TNRC18: variants seen among roughly 807,000 people sequenced by gnomAD.
TNRC18 encodes trinucleotide repeat containing 18.
In TNRC18, 69 loss-of-function variants were observed where a neutral mutation model predicts 226.7. The observed-to-expected ratio is 0.30, with a 90% CI of 0.25 to 0.37. The LOEUF (loss-of-function observed/expected upper bound fraction) is 0.37. TNRC18 is among the 10% of genes least tolerant of loss of function. The pLI, the probability that TNRC18 is intolerant of heterozygous loss-of-function variation, is 1.00. For synonymous variants in TNRC18, 2,449 were observed against 1,927.6 expected, an observed-to-expected ratio of 1.27 and a Z score of -7.09; for missense variants, 4,754 against 4,256.6, an observed-to-expected ratio of 1.12 and a Z score of -3.25.
chr7:5,314,838 G>A (rs573878775), intron 26 of TNRC18, 146 bp downstream of exon 26: 14 of 877,610 alleles, frequency 1.6e-5, no homozygotes, highest in East Asian at 2.8e-5. Flanking sequence ...CTCCCAAAGC[G>A]CTGGGATTAC....
At chr7:5,373,629 G>A (rs937237631) in intron 10 of TNRC18, among the ~76,000 whole-genome samples, 3 of 152,184 alleles carry the variant, frequency 2.0e-5, no homozygotes, top group African/African-American at 7.2e-5. Flanking sequence ...GCCACCTGCT[G>A]CAGGTCCCCT....
At chr7:5,422,590 G>A (rs1008419170) in intron 1 of TNRC18, among the ~76,000 whole-genome samples, 4 of 152,138 alleles carry the variant, frequency 2.6e-5, no homozygotes, top group African/African-American at 9.7e-5. Flanking sequence ...AGCCGATCAC[G>A]CCAAAGCCAC....
At chr7:5,333,284 G>C (rs941671019) in intron 18 of TNRC18, among the ~76,000 whole-genome samples, 1 of 152,234 alleles carries the variant, frequency 6.6e-6, no homozygotes, top group Non-Finnish European at 1.5e-5. Flanking sequence ...CCAGCCCCTT[G>C]CCCCATGGGA....
chr7:5,308,914 C>T lies in TNRC18; in HGVS notation c.8661G>A (p.Ala2887=), dbSNP rs753794320. The part of the protein sequence containing the change: ...WDQKSSRSLP[A]ALRVSSQRKD... Reference sequence around the variant, plus strand: ...TCCTCTGGCTGGAGACCCGCAGGGCCGCCGGGAGGCTGCGGCTGGACTTCT... The same window carrying T: ...TCCTCTGGCTGGAGACCCGCAGGGCTGCCGGGAGGCTGCGGCTGGACTTCT... Residue 2887 remains alanine, a synonymous_variant, in exon 29 of 30, where the codon GCG becomes GCA. Transcript: ENST00000430969. The T allele has an allele frequency of 1.6e-5, 25 of 1,606,474 alleles. No individual in the cohort carries two copies. The highest frequency in any genetic ancestry group is 6.7e-5 in the South Asian group (6 of 89,800).
rs566064655 is a variant in TNRC18, at chr7:5,356,811, C to T, written c.5194+105G>A. On this transcript the variant is annotated intron_variant, in intron 16 of 29. Transcript: ENST00000430969. ...GTGCGCCCCAGAGAGAGAGCGAGAGCGAGAGAGAGAGTGAGGGGCGGGGGG... is the reference window on the plus strand; with the variant it reads ...GTGCGCCCCAGAGAGAGAGCGAGAGTGAGAGAGAGAGTGAGGGGCGGGGGG... 3.9e-4 allele frequency: 529 copies of T among 1,372,692 alleles called. 1 individual carries two copies. In the African/African-American group the frequency reaches 8.2e-3, roughly 21 times the overall value. 85.0% of individuals were successfully genotyped at this position (1,372,692 alleles called of 1,614,324 possible). A position where few individuals can be genotyped will look rare whatever the true frequency, so the allele number is the denominator to read the frequency against.
rs993125424 is a variant in TNRC18, at chr7:5,388,062, G to A, written c.1762C>T (p.Leu588Phe). The A allele has an allele frequency of 6.4e-7, 1 of 1,557,466 alleles. No individual in the cohort carries two copies. The highest frequency in any genetic ancestry group is 2.4e-5 in the East Asian group (1 of 41,532). ...GSGEASAMQSLIKYSGSFARD... is the reference protein window; with the variant it reads ...GSGEASAMQSFIKYSGSFARD... ...GCAAAGCTGCCACTGTACTTTATAA[G>A]GCTCTGCATGGCCGAGGCCTCTCCA... Residue 588 changes from leucine to phenylalanine, a missense_variant, in exon 5 of 30, where the codon CTT becomes TTT. By Grantham distance (22) the Leu-to-Phe change is conservative. Coordinates refer to ENST00000430969, the MANE Select transcript of TNRC18 (RefSeq NM_001080495.3).
At position 5,405,325 on chromosome 7, in the gene TNRC18, T is replaced by C. The variant is rs139563332; in HGVS notation, c.188-10730A>G. 3.1e-3 allele frequency among the ~76,000 whole-genome samples: 478 copies of C among 152,116 alleles called. 6 individuals carry two copies. The highest frequency in any genetic ancestry group is 0.011 in the African/African-American group (442 of 41,500). On this transcript the variant is annotated intron_variant, in intron 2 of 29. Coordinates refer to ENST00000430969, the MANE Select transcript of TNRC18 (RefSeq NM_001080495.3). ...GGCTCACACATGTAATACCAACACT[T>C]TGGGAGGCTGAGGCGAGTGGATCAC...
chr7:5,325,724 ATTTTTTT>A (rs66514806), intron 19 of TNRC18: 1 of 61,430 alleles, frequency 1.6e-5, no homozygotes, highest in Non-Finnish European at 2.8e-5. Context: ...GCGCCCTGCA[ATTTTTTT>A]TTTTTTTTTT....
intron 2 of TNRC18, among the ~76,000 whole-genome samples, chr7:5,401,235 G>A (rs1204289746): frequency 7.1e-6 from 1 of 141,124 alleles, no homozygotes. Flanking sequence ...GTCGGGGGGG[G>A]GCGGGGGGGC....
rs147596720 is a variant in TNRC18 at position 5,370,961 on chromosome 7, C to G, written c.3633G>C (p.Gln1211His). The G allele has an allele frequency of 1.8e-4, 284 of 1,605,528 alleles. 1 individual carries two copies. In the African/African-American group the frequency reaches 3.3e-3, roughly 19 times the overall value. Residue 1211 changes from glutamine (Q) to histidine (H), a missense_variant, in exon 11 of 30, where the codon CAG becomes CAC. Transcript: ENST00000430969. The stretch of plus-strand genomic sequence containing the variant: ...GACACTCAGAGGGCTCTGCGCAGCT[C>G]TGCCCGGTGGCACTCAGCGCCTGGG... ...LEAQALSATG[Q>H]SCAEPSECPD...
At position 5,376,092 on chromosome 7, in the gene TNRC18, A is replaced by G; in HGVS notation, c.2741T>C (p.Leu914Pro). The G allele has an allele frequency of 1.3e-6, 2 of 1,594,958 alleles. No individual in the cohort carries two copies. Among genetic ancestry groups the G allele is most frequent in the Non-Finnish European group, 1.7e-6 (2 of 1,171,992 alleles). ...QQHFLRQQEF[L>P]YLQQQAAQAL... Reference sequence around the variant, plus strand: ...CTGGGCCGCCTGCTGCTGCAGGTACAGGAACTCCTGCTGCCGCAGGAAGTG... The same window carrying G: ...CTGGGCCGCCTGCTGCTGCAGGTACGGGAACTCCTGCTGCCGCAGGAAGTG... Residue 914 changes from leucine to proline, a missense_variant, in exon 9 of 30, where the codon CTG becomes CCG. Physicochemically the swap from Leu to Pro is moderately conservative, Grantham distance 98 (BLOSUM62 -3). Transcript: ENST00000430969.
In TNRC18 at chr7:5,308,969, G is replaced by A. The variant is rs546347465; in HGVS notation, c.8626-20C>T. The stretch of plus-strand genomic sequence containing the variant: ...CCAGTGCTGTGTGGGGGAGAGAGGA[G>A]GGGCTTGGGTGAGCCCGGGGGCTGC... On this transcript the variant is annotated intron_variant, in intron 28 of 29. Transcript: ENST00000430969. 104 of 1,593,476 alleles carry A rather than the reference G, an allele frequency of 6.5e-5. No homozygotes were observed. Among genetic ancestry groups the A allele is most frequent in the Non-Finnish European group, 8.4e-5 (98 of 1,171,580 alleles).
chr7:5,386,809 C>CA (rs1314137938), intron 5 of TNRC18, among the ~76,000 whole-genome samples: 1 of 152,160 alleles, frequency 6.6e-6, no homozygotes, highest in Non-Finnish European at 1.5e-5. Context: ...GGCAGTGACT[C>CA]ACGCCTGTAA....
rs918649772 is a variant in TNRC18, at chr7:5,308,008, G to A, written c.*98C>T. 4.8e-5 allele frequency: 56 copies of A among 1,162,942 alleles called. No individual in the cohort carries two copies. The highest frequency in any genetic ancestry group is 1.9e-4 in the South Asian group (13 of 67,750). 72.0% of individuals were successfully genotyped at this position (1,162,942 alleles called of 1,614,324 possible). Reference sequence around the variant, plus strand: ...CATGCACACGCCTGCAGGAGCGCTCGCATGCACACAACGCACGTGGTCTCC... The same window carrying A: ...CATGCACACGCCTGCAGGAGCGCTCACATGCACACAACGCACGTGGTCTCC... On this transcript the variant is annotated 3_prime_UTR_variant, in exon 30 of 30. Transcript: ENST00000430969.
In TNRC18 at chr7:5,377,865, C is replaced by A; in HGVS notation, c.2255+57G>T. ...CACCTGGGGTCATCCAGCTGCCCCT[C>A]ACCCCCAGGGGCTCCTAGATACCCC... On this transcript the variant is annotated intron_variant, in intron 6 of 29. Coordinates refer to ENST00000430969, the MANE Select transcript of TNRC18 (RefSeq NM_001080495.3). The surrounding 1 kb of genome is among the most constrained non-coding windows in gnomAD (Gnocchi z 5.8). 6.5e-7 allele frequency: 1 copy of A among 1,544,328 alleles called. No homozygotes were observed. Among genetic ancestry groups the A allele is most frequent in the East Asian group, 2.3e-5 (1 of 44,342 alleles).
intron 5 of TNRC18, among the ~76,000 whole-genome samples, chr7:5,387,462 A>G (rs750139437): frequency 5.3e-5 from 8 of 152,270 alleles, no homozygotes; most frequent in Non-Finnish European, 1.2e-4. Context: ...AACACAAAAC[A>G]TCGGAGAAGG....
rs1274340070 is a variant in TNRC18 at position 5,387,869 on chromosome 7, T to C, written c.1955A>G (p.Lys652Arg). 1.3e-6 allele frequency: 2 copies of C among 1,596,946 alleles called. No individual in the cohort carries two copies. The highest frequency in any genetic ancestry group is 2.7e-5 in the African/African-American group (2 of 74,614). Reference protein sequence around the residue: ...GPAAGGGRQLKRDPERPESAK... With the variant: ...GPAAGGGRQLRRDPERPESAK... ...GCTCTCGGGCCTCTCGGGGTCCCGC[T>C]TCAGCTGCCGGCCGCCGCCCGCTGC... The change falls in exon 5 of 30, where the codon AAG becomes AGG. Residue 652 changes from lysine to arginine, a missense_variant. Lys to Arg is a conservative substitution (Grantham distance 26, BLOSUM62 2). Transcript: ENST00000430969.
chr7:5,418,096 G>A (rs1782303252), intron 2 of TNRC18, among the ~76,000 whole-genome samples: 1 of 152,152 alleles, frequency 6.6e-6, no homozygotes, highest in Non-Finnish European at 1.5e-5. Flanking sequence ...GTGGGGGCAG[G>A]GAGAATAAAC....
At chr7:5,338,240 A>T (rs1174269180) in intron 18 of TNRC18, among the ~76,000 whole-genome samples, 1 of 152,152 alleles carries the variant, frequency 6.6e-6, no homozygotes, top group African/African-American at 2.4e-5. Flanking sequence ...GAATTCTTAA[A>T]CATATTCAAA....
Sources: gnomAD v4.1 joint callset for allele counts (sites outside exome capture counted in the v4.1 genomes callset) on GRCh38, gnomAD v4.1.1 for gene constraint, Gnocchi (gnomAD v3.1) non-coding constraint, MANE v1.5 for transcripts, NCBI Gene and HGNC (gene_info 2026-07-23, HGNC 2026-07-21) for gene names.